ARIH1: variants seen among roughly 807,000 people sequenced by gnomAD.
ARIH1 encodes the protein E3 ubiquitin-protein ligase ARIH1.
A neutral mutation model predicts 85.0 loss-of-function variants in ARIH1; 8 were observed. The observed-to-expected ratio is 0.09, with a 90% confidence interval of 0.06 to 0.17. The LOEUF (loss-of-function observed/expected upper bound fraction) is 0.17, where lower values mean the gene tolerates loss of function less well. Ranked by LOEUF, ARIH1 falls within the 10% of genes least tolerant of loss-of-function variation. The pLI, the probability that ARIH1 is intolerant of heterozygous loss-of-function variation, is 1.00. For missense variants in ARIH1, 311 were observed against 718.1 expected, an observed-to-expected ratio of 0.43 and a Z score of 6.48; for synonymous variants, 238 against 253.6, an observed-to-expected ratio of 0.94 and a Z score of 0.59.
At chr15:72,500,740 G>A (rs1198782453) in intron 1 of ARIH1, among the ~76,000 whole-genome samples, 3 of 152,266 alleles carry the variant, frequency 2.0e-5, no homozygotes, top group East Asian at 3.9e-4. Context: ...AACTCCTTGA[G>A]CATAAGCATA....
At chr15:72,487,408 G>A (rs1191315822) in intron 1 of ARIH1, among the ~76,000 whole-genome samples, 1 of 152,140 alleles carries the variant, frequency 6.6e-6, no homozygotes, top group Non-Finnish European at 1.5e-5. Context: ...GGGATAAAGT[G>A]TAAACTAGAA....
intron 2 of ARIH1, 29 bp from the exon 3 acceptor site, chr15:72,544,791 C>T: frequency 6.3e-7 from 1 of 1,594,564 alleles, no homozygotes; most frequent in Non-Finnish European, 8.6e-7. Flanking sequence ...AGTTGCTGGG[C>T]TCTTATCCTT....
intron 1 of ARIH1, among the ~76,000 whole-genome samples, chr15:72,496,017 C>T (rs2063878701): frequency 6.6e-6 from 1 of 152,070 alleles, no homozygotes; most frequent in Admixed American, 6.5e-5. Context: ...CTCGAGCAAT[C>T]CTTCCGCCTC....
rs186164115 is a variant in ARIH1 at position 72,594,880 on chromosome 15, G to A, written c.*11588G>A. On this transcript the variant is annotated 3_prime_UTR_variant, in exon 14 of 14. Transcript: ENST00000379887. The stretch of plus-strand genomic sequence containing the variant: ...TACAATATCTAGTGCAATGTTTAAC[G>A]TGTGGTGAGAGCAGACACCTTGCCT... The A allele has an allele frequency of 1.0e-3, 123 of 122,126 alleles. No homozygotes were observed. The highest frequency in any genetic ancestry group is 3.8e-3 in the African/African-American group (115 of 30,378). The allele number at this position is 122,126 out of a possible 1,614,324, so 7.6% of individuals were successfully genotyped here.
In ARIH1 at chr15:72,592,732, T is replaced by C. The variant is rs1293372777; in HGVS notation, c.*9440T>C. ...ATGCTTTAAAGACACGCATACTGTA[T>C]GTATTAGGACATTGTTCTTTATTGC... On this transcript the variant is annotated 3_prime_UTR_variant, in exon 14 of 14. Transcript: ENST00000379887. The C allele has an allele frequency of 1.3e-5, 2 of 152,248 alleles. No individual in the cohort carries two copies. The highest frequency in any genetic ancestry group is 6.5e-5 in the Admixed American group (1 of 15,286). The allele number at this position is 152,248 out of a possible 1,614,324, so 9.4% of individuals were successfully genotyped here.
chr15:72,577,942 A>T (rs918912454), intron 11 of ARIH1, among the ~76,000 whole-genome samples: 6 of 152,204 alleles, frequency 3.9e-5, no homozygotes, highest in Admixed American at 3.3e-4. Context: ...CAGTGCTGGT[A>T]TAATAGAAGG....
Position 72,573,557 on chromosome 15 carries a change from TA to T in ARIH1, c.1215+1395del, listed in dbSNP as rs963476970. Among the ~76,000 whole-genome samples, 157 of 152,128 alleles carry T rather than the reference TA, an allele frequency of 1.0e-3. 2 individuals carry two copies. The highest frequency in any genetic ancestry group is 3.7e-3 in the African/African-American group (154 of 41,504). On this transcript the variant is annotated intron_variant, in intron 11 of 13. Transcript: ENST00000379887. ...GAGTGAGACTCTGTCGCTAAATAAA[TA>T]AATAAATAAATAATAAAATGACTGG...
At chr15:72,522,344 T>C (rs923588898) in intron 2 of ARIH1, among the ~76,000 whole-genome samples, 1 of 152,150 alleles carries the variant, frequency 6.6e-6, no homozygotes, top group Non-Finnish European at 1.5e-5. Flanking sequence ...TGAAACCCCA[T>C]CTTTACTAAA....
At chr15:72,561,106 G>A (rs2064195759) in intron 5 of ARIH1, among the ~76,000 whole-genome samples, 1 of 152,162 alleles carries the variant, frequency 6.6e-6, no homozygotes. Context: ...TTTGGGTGGG[G>A]TGTCTGAAGG....
Position 72,589,826 on chromosome 15 carries a change from T to A in ARIH1, c.*6534T>A, listed in dbSNP as rs975985031. On this transcript the variant is annotated 3_prime_UTR_variant, in exon 14 of 14. Coordinates refer to ENST00000379887, the MANE Select transcript of ARIH1 (RefSeq NM_005744.5). Reference sequence around the variant, plus strand: ...GCTTTGTTTCCATCTCGTTTATTTTTATTTTTTATTTTTTTAAGAGACAGT... The same window carrying A: ...GCTTTGTTTCCATCTCGTTTATTTTAATTTTTTATTTTTTTAAGAGACAGT... 2 of 152,212 alleles carry A rather than the reference T, an allele frequency of 1.3e-5. No homozygotes were observed. Among genetic ancestry groups the A allele is most frequent in the African/African-American group, 4.8e-5 (2 of 41,452 alleles). 9.4% of individuals were successfully genotyped at this position (152,212 alleles called of 1,614,324 possible).
At position 72,475,032 on chromosome 15, in the gene ARIH1, G is replaced by T. The variant is rs1413755914; in HGVS notation, c.375+18G>T. The T allele has an allele frequency of 1.3e-6, 2 of 1,549,724 alleles. No individual in the cohort carries two copies. The highest frequency in any genetic ancestry group is 2.4e-5 in the South Asian group (2 of 84,176). On this transcript the variant is annotated intron_variant, in intron 1 of 13. Coordinates refer to ENST00000379887, the MANE Select transcript of ARIH1 (RefSeq NM_005744.5). ...TCATCCAGGTGAGGGTGGCCGCCGC[G>T]CCAGCTGGACCGGGCCCGACGGGGG... is the stretch of plus-strand genomic sequence containing the variant.
At chr15:72,525,183 G>A (rs1287353113) in intron 2 of ARIH1, among the ~76,000 whole-genome samples, 8 of 152,214 alleles carry the variant, frequency 5.3e-5, no homozygotes, top group African/African-American at 1.4e-4. Flanking sequence ...GAGCCACTGT[G>A]CCTGGCCAAT....
rs552574893 is a variant in ARIH1, at chr15:72,518,949, G to A, written c.443+815G>A. On this transcript the variant is annotated intron_variant, in intron 2 of 13. Coordinates refer to ENST00000379887, the MANE Select transcript of ARIH1 (RefSeq NM_005744.5). ...TTCAGGGCAGGATTCTATTCCATTG[G>A]GTTTTTAAAAATATTTTCTTTCTGA... 3.3e-5 allele frequency among the ~76,000 whole-genome samples: 5 copies of A among 152,042 alleles called. No individual in the cohort carries two copies. The South Asian group carries it at 8.3e-4, about 25-fold the overall frequency.
chr15:72,480,014 G>C (rs1310656011), intron 1 of ARIH1, among the ~76,000 whole-genome samples: 1 of 151,836 alleles, frequency 6.6e-6, no homozygotes, highest in Non-Finnish European at 1.5e-5. Context: ...ACTACAGGCA[G>C]CCGCTACCAT....
At chr15:72,566,362 T>C in intron 7 of ARIH1, 1 of 554,562 alleles carries the variant, frequency 1.8e-6, no homozygotes, top group Admixed American at 3.7e-5. Flanking sequence ...TCACACATAT[T>C]GAGTACCCAC....
In ARIH1 at chr15:72,502,445, G is replaced by A. The variant is rs565437537; in HGVS notation, c.376-15622G>A. On this transcript the variant is annotated intron_variant, in intron 1 of 13. Transcript: ENST00000379887. ...TCTCAGCAAAATTTCAAATTGTTAT[G>A]TATTTATAGGATTGCCAACAGTTAA... Among the ~76,000 whole-genome samples, 64 of 152,272 alleles carry A rather than the reference G, an allele frequency of 4.2e-4. 1 individual carries two copies. The highest frequency in any genetic ancestry group is 1.4e-3 in the African/African-American group (60 of 41,546).
intron 1 of ARIH1, among the ~76,000 whole-genome samples, chr15:72,485,723 C>A (rs1371012378): frequency 3.9e-5 from 6 of 152,056 alleles, no homozygotes; most frequent in African/African-American, 1.4e-4. Context: ...TGCTGTCTTT[C>A]TTATAATAGG....
rs539988931 is a variant in ARIH1, at chr15:72,486,972, G to A, written c.375+11958G>A. ...AGCCTCCCAAAGTGCTGAGATACAG[G>A]CATGAACCACTGTGCCCAGCCTGAC... On this transcript the variant is annotated intron_variant, in intron 1 of 13. Transcript: ENST00000379887. Among the ~76,000 whole-genome samples the A allele has an allele frequency of 3.3e-5, 5 of 151,906 alleles. No individual in the cohort carries two copies. The South Asian group carries it at 8.3e-4, about 25-fold the overall frequency.
chr15:72,485,559 C>T (rs1275196378), intron 1 of ARIH1, among the ~76,000 whole-genome samples: 5 of 151,748 alleles, frequency 3.3e-5, no homozygotes, highest in African/African-American at 1.2e-4. Flanking sequence ...AATCTACTTC[C>T]GTATTAGCTT....
Sources: gnomAD v4.1 joint callset for allele counts (sites outside exome capture counted in the v4.1 genomes callset) on GRCh38, gnomAD v4.1.1 for gene constraint, MANE v1.5 for transcripts, NCBI Gene and HGNC (gene_info 2026-07-23, HGNC 2026-07-21) for gene names.